Variants in GLP1R observed in about 807,000 individuals in gnomAD.
GLP1R encodes glucagon like peptide 1 receptor.
Under a neutral mutation model 68.4 loss-of-function variants are expected in GLP1R, and 32 were observed. The ratio of observed to expected loss-of-function variants is 0.47; its 90% CI spans 0.35 to 0.63. GLP1R has a LOEUF of 0.63. Among genes scored for constraint, GLP1R ranks in the 20% least tolerant of loss-of-function variants. The pLI, the probability that GLP1R is intolerant of heterozygous loss-of-function variation, is 0.00. For missense variants in GLP1R, 502 were observed against 594.9 expected (o/e 0.84, Z 1.62); for synonymous variants, 263 against 244.4 (o/e 1.08, Z -0.71).
At chr6:39,085,835 T>C in intron 12 of GLP1R, 71 bp from the exon 13 acceptor site, 1 of 1,401,590 alleles carries the variant, frequency 7.1e-7, no homozygotes, top group Non-Finnish European at 1.0e-6. Context: ...CCCACTAATG[T>C]AATAGTGGGG....
At chr6:39,067,751 T>C (rs893093536) in intron 5 of GLP1R, among the ~76,000 whole-genome samples, 2 of 152,232 alleles carry the variant, frequency 1.3e-5, no homozygotes, top group Non-Finnish European at 2.9e-5. Flanking sequence ...ATCCCAGCAT[T>C]AACTTTAAAG....
chr6:39,057,645 G>C, intron 3 of GLP1R, 66 bp downstream of exon 3: 1 of 893,220 alleles, frequency 1.1e-6, no homozygotes, highest in Non-Finnish European at 1.7e-6. Flanking sequence ...CCCCGACCTG[G>C]TATCTGCCCT....
chr6:39,084,841 G>GGAGGA (rs1340811541), intron 12 of GLP1R, among the ~76,000 whole-genome samples: 1 of 152,208 alleles, frequency 6.6e-6, no homozygotes, highest in African/African-American at 2.4e-5. Context: ...GGACGACAAA[G>GGAGGA]GAGGAGAGGA....
chr6:39,051,140 T>C (rs1483314276), intron 1 of GLP1R, among the ~76,000 whole-genome samples: 2 of 152,156 alleles, frequency 1.3e-5, no homozygotes, highest in African/African-American at 4.8e-5. Flanking sequence ...CCTTTGACAC[T>C]CAAAGTTAAA....
intron 12 of GLP1R, 41 bp from the exon 13 acceptor site, chr6:39,085,865 T>G: frequency 6.2e-7 from 1 of 1,601,240 alleles, no homozygotes; most frequent in South Asian, 1.1e-5. Flanking sequence ...TAGCCATTGG[T>G]TTGCATGATG....
At chr6:39,077,460 C>T (rs1169616126) in intron 7 of GLP1R, among the ~76,000 whole-genome samples, 1 of 152,244 alleles carries the variant, frequency 6.6e-6, no homozygotes, top group African/African-American at 2.4e-5. Flanking sequence ...CCATCTAGGC[C>T]TTCTGAGTTC....
At position 39,079,719 on chromosome 6, in the gene GLP1R, G is replaced by A. The variant is rs759011185; in HGVS notation, c.1182+17G>A. ...TCCTTCCAGGTGACTTCATGCTTGG[G>A]GACACTTGCTTGTAAAGTCCTAGAG... On this transcript the variant is annotated intron_variant, in intron 11 of 12. Coordinates refer to ENST00000373256, the MANE Select transcript of GLP1R (RefSeq NM_002062.5). The surrounding 1 kb of genome is among the most constrained non-coding windows in gnomAD (Gnocchi z 4.5). 1 of 1,608,908 alleles carries A rather than the reference G, an allele frequency of 6.2e-7. No homozygotes were observed. The highest frequency in any genetic ancestry group is 8.5e-7 in the Non-Finnish European group (1 of 1,176,318).
chr6:39,083,713 G>C lies in GLP1R; in HGVS notation c.1225-2193G>C, dbSNP rs1769073060. ...CAATTCACCCCGAATCCTGAGGCTG[G>C]CATGGTGCCTGCTGGAGAGGGAGGT... On this transcript the variant is annotated intron_variant, in intron 12 of 12. Coordinates refer to ENST00000373256, the MANE Select transcript of GLP1R (RefSeq NM_002062.5). 1.3e-5 allele frequency among the ~76,000 whole-genome samples: 2 copies of C among 152,142 alleles called. 1 individual carries two copies. Among genetic ancestry groups the C allele is most frequent in the South Asian group, 4.1e-4 (2 of 4,826 alleles).
rs1485112064 is a variant in GLP1R at position 39,090,024 on chromosome 6, A to AT, written c.*3957dup. On this transcript the variant is annotated 3_prime_UTR_variant, in exon 13 of 13. Transcript: ENST00000373256. Reference sequence around the variant, plus strand: ...AACCAAATTAGGATCAACTCTTAACATTTTTTCCCTCTTTTGTGGCTGGAA... The same window carrying AT: ...AACCAAATTAGGATCAACTCTTAACATTTTTTTCCCTCTTTTGTGGCTGGAA... Among the ~76,000 whole-genome samples, 1 of 152,142 alleles carries AT rather than the reference A, an allele frequency of 6.6e-6. No homozygotes were observed. The highest frequency in any genetic ancestry group is 1.9e-4 in the East Asian group (1 of 5,204).
At chr6:39,062,116 C>T (rs765146583) in intron 3 of GLP1R, among the ~76,000 whole-genome samples, 7 of 152,314 alleles carry the variant, frequency 4.6e-5, no homozygotes, top group Non-Finnish European at 8.8e-5. Flanking sequence ...CGTGGAAGGG[C>T]GGCTGTTAGC....
chr6:39,049,613 C>T lies in GLP1R; in HGVS notation c.78+695C>T, dbSNP rs891760142. Among the ~76,000 whole-genome samples the T allele has an allele frequency of 6.6e-6, 1 of 152,152 alleles. No individual in the cohort carries two copies. The highest frequency in any genetic ancestry group is 6.5e-5 in the Admixed American group (1 of 15,276). ...GGAAGCAGCCAGGCGCCCCCACTCA[C>T]CCACTCTGCTGACCTCCCATTCTCA... is the stretch of plus-strand genomic sequence containing the variant. On this transcript the variant is annotated intron_variant, in intron 1 of 12. Transcript: ENST00000373256. This position sits in a 1 kb window ranked among gnomAD's most constrained non-coding sequence, Gnocchi z 4.5.
chr6:39,048,997 C>T (rs1768026198), intron 1 of GLP1R, 79 bp downstream of exon 1: 1 of 581,274 alleles, frequency 1.7e-6, no homozygotes, highest in Non-Finnish European at 2.8e-6. Flanking sequence ...TGGTGGAGGG[C>T]CCCGGGACTT....
At chr6:39,078,204 C>T in intron 7 of GLP1R, 118 bp from the exon 8 acceptor site, 1 of 757,618 alleles carries the variant, frequency 1.3e-6, no homozygotes, top group Non-Finnish European at 2.4e-6. Flanking sequence ...TAGTTGGAGG[C>T]CAGGCAAGGA....
chr6:39,078,680 G>T (rs1271675838), intron 8 of GLP1R, among the ~76,000 whole-genome samples: 7 of 152,158 alleles, frequency 4.6e-5, no homozygotes, highest in African/African-American at 1.7e-4. Context: ...ATGATGCTGG[G>T]TACACACATG....
At chr6:39,065,597 T>C in intron 3 of GLP1R, 114 bp from the exon 4 acceptor site, 1 of 638,426 alleles carries the variant, frequency 1.6e-6, no homozygotes, top group Non-Finnish European at 2.8e-6. Flanking sequence ...CTCAGAGTAG[T>C]CCATTCTGGG....
intron 12 of GLP1R, among the ~76,000 whole-genome samples, chr6:39,082,451 C>T (rs1029626412): frequency 1.4e-4 from 22 of 152,190 alleles, no homozygotes; most frequent in Middle Eastern, 3.4e-3. Flanking sequence ...GTGAAGGCAG[C>T]GCCAGGCAAA....
intron 7 of GLP1R, among the ~76,000 whole-genome samples, chr6:39,077,555 A>T (rs1321433364): frequency 6.6e-6 from 1 of 152,226 alleles, no homozygotes; most frequent in Non-Finnish European, 1.5e-5. Context: ...AGTGTCTTTT[A>T]TAACAATCAG....
At chr6:39,059,611 C>G (rs1768308672) in intron 3 of GLP1R, among the ~76,000 whole-genome samples, 1 of 152,186 alleles carries the variant, frequency 6.6e-6, no homozygotes, top group Admixed American at 6.5e-5. Flanking sequence ...TGGTATAGAG[C>G]CAAGTGACAT....
intron 3 of GLP1R, among the ~76,000 whole-genome samples, chr6:39,064,924 C>T (rs532742349): frequency 1.6e-4 from 25 of 152,264 alleles, no homozygotes; most frequent in Admixed American, 3.9e-4. Context: ...TCCCTGAGGA[C>T]GGGGGCTGGA....
Sources: gnomAD v4.1 joint callset for allele counts (sites outside exome capture counted in the v4.1 genomes callset) on GRCh38, gnomAD v4.1.1 for gene constraint, Gnocchi (gnomAD v3.1) non-coding constraint, MANE v1.5 for transcripts, NCBI Gene and HGNC (gene_info 2026-07-23, HGNC 2026-07-21) for gene names.